Variants in TMEM65 observed in about 807,000 individuals in gnomAD.
TMEM65 encodes transmembrane protein 65.
A neutral mutation model predicts 25.4 loss-of-function variants in TMEM65; 22 were observed. The ratio of observed to expected loss-of-function variants is 0.86; its 90% confidence interval spans 0.62 to 1.23. The LOEUF (loss-of-function observed/expected upper bound fraction) is 1.23. Among genes scored for constraint, TMEM65 ranks in the 50% most tolerant of loss-of-function variants. The pLI is 0.00. For missense variants in TMEM65, 262 were observed against 308.2 expected, an observed-to-expected ratio of 0.85 and a Z score of 1.12; for synonymous variants, 132 against 126.2, an observed-to-expected ratio of 1.05 and a Z score of -0.31.
At position 124,313,290 on chromosome 8, in the gene TMEM65, G is replaced by C. The variant is rs1384639211; in HGVS notation, c.*670C>G. On this transcript the variant is annotated 3_prime_UTR_variant, in exon 7 of 7. Transcript: ENST00000297632. ...TCAACTAAAAATTGTACGCTTGTTA[G>C]TATACACGGTTTCATGTAGCAGGGA... 1 of 151,906 alleles carries C rather than the reference G, an allele frequency of 6.6e-6. No homozygotes were observed. Among genetic ancestry groups the C allele is most frequent in the Non-Finnish European group, 1.5e-5 (1 of 67,874 alleles). 9.4% of individuals were successfully genotyped at this position (151,906 alleles called of 1,614,324 possible). A position where few individuals can be genotyped will look rare whatever the true frequency, so the allele number is the denominator to read the frequency against.
intron 1 of TMEM65, among the ~76,000 whole-genome samples, chr8:124,333,864 CTCTG>C (rs1252002379): frequency 1.3e-5 from 2 of 152,144 alleles, no homozygotes; most frequent in Non-Finnish European, 2.9e-5. Flanking sequence ...ATTCCTCAGT[CTCTG>C]TCTGAAGAAC....
At chr8:124,357,071 T>C (rs377347830) in intron 1 of TMEM65, among the ~76,000 whole-genome samples, 1 of 114,044 alleles carries the variant, frequency 8.8e-6, no homozygotes. Context: ...TTTTTTTTTT[T>C]TCCTGTCTCT....
chr8:124,340,711 TAG>T (rs1374513653), intron 1 of TMEM65, among the ~76,000 whole-genome samples: 1 of 152,050 alleles, frequency 6.6e-6, no homozygotes, highest in Non-Finnish European at 1.5e-5. Flanking sequence ...GTGAGTTAAA[TAG>T]AGATAAAAGT....
chr8:124,367,551 T>C (rs73333919), intron 1 of TMEM65, among the ~76,000 whole-genome samples: 1,610 of 152,338 alleles, frequency 0.011, 33 homozygotes, highest in African/African-American at 0.036. Flanking sequence ...AAAATAAGGA[T>C]AATCTTGTTA....
chr8:124,347,959 C>T (rs1252455465), intron 1 of TMEM65, among the ~76,000 whole-genome samples: 6 of 149,268 alleles, frequency 4.0e-5, no homozygotes, highest in South Asian at 2.1e-4. Flanking sequence ...GGCGTGATCT[C>T]GGCTCACCGC....
intron 1 of TMEM65, among the ~76,000 whole-genome samples, chr8:124,357,532 T>C (rs1814797691): frequency 6.6e-6 from 1 of 152,196 alleles, no homozygotes; most frequent in Admixed American, 6.5e-5. Context: ...TTTCACACTA[T>C]ATATTAACTT....
chr8:124,335,976 T>C (rs565356991), intron 1 of TMEM65, among the ~76,000 whole-genome samples: 1 of 152,118 alleles, frequency 6.6e-6, no homozygotes, highest in South Asian at 2.1e-4. Context: ...CCCAACTATA[T>C]GATATCCCAA....
chr8:124,357,170 T>C (rs1253131053), intron 1 of TMEM65, among the ~76,000 whole-genome samples: 3 of 152,076 alleles, frequency 2.0e-5, no homozygotes, highest in Non-Finnish European at 4.4e-5. Context: ...CATTTTCTCC[T>C]GGGATCTTCT....
At chr8:124,340,101 C>T (rs1814567417) in intron 1 of TMEM65, among the ~76,000 whole-genome samples, 1 of 152,080 alleles carries the variant, frequency 6.6e-6, no homozygotes, top group Non-Finnish European at 1.5e-5. Flanking sequence ...ATCTTAAAGT[C>T]TTTTTCACAA....
At chr8:124,321,381 C>A (rs1385473397) in intron 5 of TMEM65, among the ~76,000 whole-genome samples, 1 of 152,096 alleles carries the variant, frequency 6.6e-6, no homozygotes, top group African/African-American at 2.4e-5. Flanking sequence ...GCATATTTAT[C>A]ATAATAATGT....
At chr8:124,341,440 G>A (rs966528881) in intron 1 of TMEM65, among the ~76,000 whole-genome samples, 1 of 151,934 alleles carries the variant, frequency 6.6e-6, no homozygotes, top group Non-Finnish European at 1.5e-5. Flanking sequence ...TTAGAATTTG[G>A]TTCCCTGTGT....
At chr8:124,327,693 C>CAT (rs1191461511) in intron 2 of TMEM65, among the ~76,000 whole-genome samples, 1 of 151,826 alleles carries the variant, frequency 6.6e-6, no homozygotes. Context: ...CACACACACA[C>CAT]ACACACACAC....
intron 1 of TMEM65, among the ~76,000 whole-genome samples, chr8:124,340,620 C>T (rs1278504205): frequency 6.6e-6 from 1 of 152,068 alleles, no homozygotes; most frequent in Non-Finnish European, 1.5e-5. Context: ...AATTCATCAG[C>T]AAGAAAAGTA....
intron 2 of TMEM65, 21 bp from the exon 3 acceptor site, chr8:124,327,442 A>G: frequency 6.6e-7 from 1 of 1,522,426 alleles, no homozygotes; most frequent in Non-Finnish European, 8.9e-7. Context: ...TCAAAAACAG[A>G]AAAATATATT....
intron 1 of TMEM65, among the ~76,000 whole-genome samples, chr8:124,339,683 A>G (rs920516707): frequency 3.9e-5 from 6 of 152,088 alleles, no homozygotes; most frequent in Non-Finnish European, 8.8e-5. Context: ...ACTTTATTTG[A>G]GCATTTTTTA....
chr8:124,344,798 G>A (rs1301130348), intron 1 of TMEM65, among the ~76,000 whole-genome samples: 2 of 152,104 alleles, frequency 1.3e-5, no homozygotes, highest in African/African-American at 4.8e-5. Flanking sequence ...ATCCTCTCTA[G>A]AGTATTAAGT....
intron 3 of TMEM65, among the ~76,000 whole-genome samples, chr8:124,325,740 C>T (rs551290828): frequency 6.6e-6 from 1 of 152,034 alleles, no homozygotes; most frequent in African/African-American, 2.4e-5. Context: ...TAGTGAACTA[C>T]AAATTACTAC....
intron 1 of TMEM65, among the ~76,000 whole-genome samples, chr8:124,365,179 C>T (rs1391119132): frequency 6.6e-6 from 1 of 152,032 alleles, no homozygotes; most frequent in African/African-American, 2.4e-5. Flanking sequence ...CAATAAATGA[C>T]TATTAAGGTG....
At chr8:124,348,869 T>C (rs563171874) in intron 1 of TMEM65, among the ~76,000 whole-genome samples, 11 of 152,264 alleles carry the variant, frequency 7.2e-5, no homozygotes, top group Non-Finnish European at 1.2e-4. Context: ...TAGAAGAGGT[T>C]TGGATATGCA....
Sources: gnomAD v4.1 joint callset for allele counts (sites outside exome capture counted in the v4.1 genomes callset) on GRCh38, gnomAD v4.1.1 for gene constraint, MANE v1.5 for transcripts, NCBI Gene and HGNC (gene_info 2026-07-23, HGNC 2026-07-21) for gene names.